Variants in ATG4C observed in about 807,000 individuals in gnomAD.
The protein encoded by ATG4C is autophagy related 4C cysteine peptidase, also known as cysteine protease ATG4C.
Under a neutral mutation model 57.6 loss-of-function variants are expected in ATG4C, and 56 were observed. The ratio of observed to expected loss-of-function variants is 0.97; its 90% CI spans 0.78 to 1.21. The LOEUF is 1.21. Ranked by LOEUF, ATG4C falls within the 50% of genes most tolerant of loss-of-function variation. ATG4C has a pLI of 0.00. For synonymous variants in ATG4C, 157 were observed against 174.1 expected, an observed-to-expected ratio of 0.90 and a Z score of 0.78; for missense variants, 595 against 529.8, an observed-to-expected ratio of 1.12 and a Z score of -1.21.
At chr1:62,811,176 C>T (rs956264664) in intron 3 of ATG4C, among the ~76,000 whole-genome samples, 20 of 152,196 alleles carry the variant, frequency 1.3e-4, no homozygotes, top group African/African-American at 4.6e-4. Context: ...CTACTACCCT[C>T]CAAGTCATCT....
At chr1:62,813,434 T>A (rs576671649) in intron 3 of ATG4C, among the ~76,000 whole-genome samples, 8 of 152,288 alleles carry the variant, frequency 5.3e-5, no homozygotes, top group African/African-American at 1.9e-4. Context: ...TCTTACACCT[T>A]ATACAAAAAT....
chr1:62,821,462 G>T (rs1665480464), intron 6 of ATG4C, among the ~76,000 whole-genome samples: 1 of 152,040 alleles, frequency 6.6e-6, no homozygotes, highest in Non-Finnish European at 1.5e-5. Flanking sequence ...AAAGTGATAG[G>T]CAGGAAAATT....
intron 9 of ATG4C, among the ~76,000 whole-genome samples, chr1:62,840,292 A>G (rs1666129397): frequency 6.6e-6 from 1 of 152,066 alleles, no homozygotes; most frequent in Non-Finnish European, 1.5e-5. Context: ...AATAGCTGGG[A>G]TTGTACATGG....
intron 10 of ATG4C, among the ~76,000 whole-genome samples, chr1:62,844,212 G>A (rs1197966843): frequency 6.6e-6 from 1 of 152,128 alleles, no homozygotes; most frequent in African/African-American, 2.4e-5. Flanking sequence ...TTTCTGGCAA[G>A]CCTCCCACAC....
chr1:62,857,969 T>A (rs1241102905), intron 10 of ATG4C, among the ~76,000 whole-genome samples: 1 of 152,162 alleles, frequency 6.6e-6, no homozygotes, highest in East Asian at 1.9e-4. Context: ...TGTAATGGGA[T>A]GTAGATGCAG....
chr1:62,829,196 C>A lies in ATG4C; in HGVS notation c.933+20C>A. ...GTGAAGGTATGAAATAAGTGCTGAA[C>A]TTTTTTAGGGCAATACTAGCTAATA... is the stretch of plus-strand genomic sequence containing the variant. On this transcript the variant is annotated intron_variant, in intron 7 of 10. Coordinates refer to ENST00000317868, the MANE Select transcript of ATG4C (RefSeq NM_032852.4). The A allele has an allele frequency of 8.1e-6, 13 of 1,610,242 alleles. No homozygotes were observed. The highest frequency in any genetic ancestry group is 1.1e-5 in the Non-Finnish European group (13 of 1,178,184).
chr1:62,787,376 AATGCAGTTAC>A (rs1449891044), intron 1 of ATG4C, among the ~76,000 whole-genome samples: 1 of 152,218 alleles, frequency 6.6e-6, no homozygotes, highest in Non-Finnish European at 1.5e-5. Context: ...GTAACTGAAT[AATGCAGTTAC>A]ATGCCATCTT....
chr1:62,858,018 T>C (rs1458252765), intron 10 of ATG4C, among the ~76,000 whole-genome samples: 3 of 152,204 alleles, frequency 2.0e-5, no homozygotes, highest in Non-Finnish European at 4.4e-5. Context: ...TCCTTGAATT[T>C]AAACTAAACA....
chr1:62,861,135 C>G (rs979664403), intron 10 of ATG4C, among the ~76,000 whole-genome samples: 2 of 152,160 alleles, frequency 1.3e-5, no homozygotes, highest in African/African-American at 2.4e-5. Flanking sequence ...AGTTGTTGAG[C>G]AAACCACTGA....
At chr1:62,810,984 G>T (rs867171529) in intron 3 of ATG4C, among the ~76,000 whole-genome samples, 5 of 152,094 alleles carry the variant, frequency 3.3e-5, no homozygotes, top group Middle Eastern at 3.4e-3. Context: ...TTTTGCTAAG[G>T]ATTTTAGTGA....
intron 10 of ATG4C, among the ~76,000 whole-genome samples, chr1:62,845,378 A>G (rs955065058): frequency 6.6e-6 from 1 of 152,028 alleles, no homozygotes; most frequent in African/African-American, 2.4e-5. Flanking sequence ...TTATTGGCCC[A>G]TTTGTTTCCT....
chr1:62,861,230 T>G (rs1557998544), intron 10 of ATG4C, among the ~76,000 whole-genome samples: 1 of 152,120 alleles, frequency 6.6e-6, no homozygotes, highest in Non-Finnish European at 1.5e-5. Context: ...TACTATGTAA[T>G]AGAAGAATTA....
chr1:62,793,093 A>G (rs1239883063), intron 1 of ATG4C, among the ~76,000 whole-genome samples: 1 of 150,260 alleles, frequency 6.7e-6, no homozygotes, highest in Non-Finnish European at 1.5e-5. Context: ...TCACCGTGTT[A>G]GCCAGGATGG....
chr1:62,827,488 T>A (rs1302821082), intron 6 of ATG4C, among the ~76,000 whole-genome samples: 1 of 152,158 alleles, frequency 6.6e-6, no homozygotes, highest in African/African-American at 2.4e-5. Flanking sequence ...TGTTCACTCT[T>A]CTCTCTTTGT....
intron 1 of ATG4C, among the ~76,000 whole-genome samples, chr1:62,796,428 A>G (rs17123841): frequency 0.039 from 5,983 of 152,218 alleles, 425 homozygotes; most frequent in African/African-American, 0.14. Context: ...TTATTTAGCT[A>G]GAGTTGCCAT....
chr1:62,815,876 G>T (rs1428864002), intron 3 of ATG4C, among the ~76,000 whole-genome samples: 4 of 151,982 alleles, frequency 2.6e-5, no homozygotes, highest in Admixed American at 2.6e-4. Flanking sequence ...GTAGAGATGG[G>T]GTTTCACCAT....
intron 1 of ATG4C, among the ~76,000 whole-genome samples, chr1:62,800,923 C>T (rs1664636086): frequency 6.6e-6 from 1 of 152,158 alleles, no homozygotes; most frequent in African/African-American, 2.4e-5. Context: ...TCTTACCAGT[C>T]TTACCAGAGG....
intron 1 of ATG4C, among the ~76,000 whole-genome samples, chr1:62,798,943 A>G (rs761940824): frequency 2.6e-5 from 4 of 151,872 alleles, no homozygotes; most frequent in African/African-American, 7.3e-5. Context: ...GCCCCTGGCT[A>G]TTTATTTATT....
chr1:62,810,696 TC>T (rs1372444313), intron 3 of ATG4C, among the ~76,000 whole-genome samples: 4 of 148,108 alleles, frequency 2.7e-5, no homozygotes, highest in Non-Finnish European at 4.4e-5. Flanking sequence ...GCTAGCAATT[TC>T]CCATTGAGTC....
Sources: gnomAD v4.1 joint callset for allele counts (sites outside exome capture counted in the v4.1 genomes callset) on GRCh38, gnomAD v4.1.1 for gene constraint, MANE v1.5 for transcripts, NCBI Gene and HGNC (gene_info 2026-07-23, HGNC 2026-07-21) for gene names.